NALCN: variants seen among roughly 807,000 people sequenced by gnomAD.
NALCN encodes sodium leak channel NALCN.
In NALCN, 111 loss-of-function variants were observed where a neutral mutation model predicts 225.3. That is an observed-to-expected ratio of 0.49 (90% CI 0.42 to 0.58). The LOEUF is 0.58. NALCN is among the 20% of genes least tolerant of loss of function. The pLI is 0.00. For missense variants in NALCN, 1,378 were observed against 2,202.4 expected, an observed-to-expected ratio of 0.63 and a Z score of 7.49; for synonymous variants, 764 against 769.0, an observed-to-expected ratio of 0.99 and a Z score of 0.11.
rs751191623 is a variant in NALCN at position 101,376,891 on chromosome 13, T to C, written c.515+26A>G. On this transcript the variant is annotated intron_variant, in intron 5 of 43. Coordinates refer to ENST00000251127, the MANE Select transcript of NALCN (RefSeq NM_052867.4). The stretch of plus-strand genomic sequence containing the variant: ...CAAAAAACTTCATAAACTTTTCCTC[T>C]TAACTTATTGTAAAGCAGCGCTCAC... 3 of 1,613,916 alleles carry C rather than the reference T, an allele frequency of 1.9e-6. No homozygotes were observed. The South Asian group carries it at 3.3e-5, about 18-fold the overall frequency.
rs373100185 is a variant in NALCN, at chr13:101,306,940, G to A, written c.800-14574C>T. 1.1e-4 allele frequency among the ~76,000 whole-genome samples: 17 copies of A among 152,210 alleles called. No individual in the cohort carries two copies. The East Asian group carries it at 1.4e-3, about 12-fold the overall frequency. ...TCTGAGAACCCAGGCTCCTTCCTGCGGTTTCTGAGGTAAGGGGTGGGGCTC... is the reference window on the plus strand; with the variant it reads ...TCTGAGAACCCAGGCTCCTTCCTGCAGTTTCTGAGGTAAGGGGTGGGGCTC... On this transcript the variant is annotated intron_variant, in intron 7 of 43. Transcript: ENST00000251127.
intron 6 of NALCN, among the ~76,000 whole-genome samples, chr13:101,348,334 G>A (rs577153714): frequency 2.6e-5 from 4 of 152,088 alleles, no homozygotes; most frequent in Non-Finnish European, 4.4e-5. Context: ...GGGGTGAGAC[G>A]TAAGTATTTA....
intron 7 of NALCN, among the ~76,000 whole-genome samples, chr13:101,321,250 A>G (rs1460489480): frequency 1.3e-5 from 2 of 152,188 alleles, no homozygotes; most frequent in Non-Finnish European, 2.9e-5. Flanking sequence ...TATATGTAAG[A>G]AAAAGACACA....
chr13:101,295,795 G>C (rs2139067381), intron 7 of NALCN, among the ~76,000 whole-genome samples: 1 of 152,328 alleles, frequency 6.6e-6, no homozygotes, highest in South Asian at 2.1e-4. Context: ...CAAAGGCAAA[G>C]GCAATGGACG....
intron 33 of NALCN, among the ~76,000 whole-genome samples, chr13:101,081,861 C>T (rs2033671768): frequency 6.6e-6 from 1 of 152,016 alleles, no homozygotes; most frequent in Non-Finnish European, 1.5e-5. Flanking sequence ...CACTATCTAT[C>T]TGTCTGTCTG....
At chr13:101,082,918 G>A (rs528600280) in intron 32 of NALCN, 35 bp from the exon 33 acceptor site, 14 of 1,611,626 alleles carry the variant, frequency 8.7e-6, no homozygotes, top group African/African-American at 8.0e-5. Context: ...CGTTGCCCAC[G>A]TCCATCGGAC....
intron 13 of NALCN, among the ~76,000 whole-genome samples, chr13:101,195,046 T>A (rs923177989): frequency 1.3e-5 from 2 of 151,938 alleles, no homozygotes; most frequent in Non-Finnish European, 2.9e-5. Context: ...AATAGTAACT[T>A]TGGTGTGTAA....
rs529234129 is a variant in NALCN, at chr13:101,310,699, T to C, written c.800-18333A>G. On this transcript the variant is annotated intron_variant, in intron 7 of 43. Coordinates refer to ENST00000251127, the MANE Select transcript of NALCN (RefSeq NM_052867.4). Reference sequence around the variant, plus strand: ...GAAAGCAAGGATTTTTTCTCTGTTTTTCACTGTTGTGATCAAATGCCTAGC... The same window carrying C: ...GAAAGCAAGGATTTTTTCTCTGTTTCTCACTGTTGTGATCAAATGCCTAGC... Among the ~76,000 whole-genome samples, 138 of 152,314 alleles carry C rather than the reference T, an allele frequency of 9.1e-4. 1 individual carries two copies. The highest frequency in any genetic ancestry group is 2.6e-3 in the African/African-American group (107 of 41,578).
chr13:101,293,106 G>A (rs2043611559), intron 7 of NALCN, among the ~76,000 whole-genome samples: 1 of 152,156 alleles, frequency 6.6e-6, no homozygotes, highest in South Asian at 2.1e-4. Context: ...GGAAACTAAA[G>A]CATATAAAGA....
intron 7 of NALCN, among the ~76,000 whole-genome samples, chr13:101,302,076 G>T (rs1594635674): frequency 6.6e-6 from 1 of 152,108 alleles, no homozygotes; most frequent in Non-Finnish European, 1.5e-5. Context: ...AAGCAAAAGG[G>T]CTAGAAGTTC....
intron 11 of NALCN, among the ~76,000 whole-genome samples, chr13:101,255,561 G>A (rs1182441103): frequency 2.0e-5 from 3 of 152,174 alleles, no homozygotes; most frequent in African/African-American, 7.2e-5. Flanking sequence ...GTAATCTCTT[G>A]TGGTCATTTC....
intron 13 of NALCN, among the ~76,000 whole-genome samples, chr13:101,223,540 C>G (rs942887295): frequency 6.6e-6 from 1 of 152,118 alleles, no homozygotes; most frequent in African/African-American, 2.4e-5. Context: ...GCCCTGAATT[C>G]ATTTCTCAGA....
chr13:101,311,374 C>A (rs1350557772), intron 7 of NALCN, among the ~76,000 whole-genome samples: 2 of 151,482 alleles, frequency 1.3e-5, no homozygotes, highest in Non-Finnish European at 2.9e-5. Flanking sequence ...CCTAATTGCC[C>A]TGGCCAGGAC....
intron 2 of NALCN, among the ~76,000 whole-genome samples, chr13:101,396,670 G>A (rs1031684441): frequency 2.0e-5 from 3 of 152,094 alleles, no homozygotes; most frequent in African/African-American, 4.8e-5. Context: ...CAATTTGGAA[G>A]CACTTCAATA....
intron 16 of NALCN, among the ~76,000 whole-genome samples, chr13:101,144,054 C>G (rs529688811): frequency 6.6e-6 from 1 of 152,244 alleles, no homozygotes; most frequent in African/African-American, 2.4e-5. Context: ...TAGTCTCATA[C>G]TTTTATAACC....
At position 101,252,476 on chromosome 13, in the gene NALCN, A is replaced by G. The variant is rs576002708; in HGVS notation, c.1266+5967T>C. Among the ~76,000 whole-genome samples, 8 of 152,290 alleles carry G rather than the reference A, an allele frequency of 5.3e-5. No individual in the cohort carries two copies. In the South Asian group the frequency reaches 1.2e-3, roughly 24 times the overall value. ...GTTTTGCTGAACAAAAAGCAAGTGA[A>G]GATGCAAGTCTGGGGGTGGAGTGGA... is the stretch of plus-strand genomic sequence containing the variant. On this transcript the variant is annotated intron_variant, in intron 11 of 43. Coordinates refer to ENST00000251127, the MANE Select transcript of NALCN (RefSeq NM_052867.4).
intron 7 of NALCN, among the ~76,000 whole-genome samples, chr13:101,318,578 G>C (rs994782963): frequency 1.3e-5 from 2 of 152,152 alleles, no homozygotes; most frequent in African/African-American, 2.4e-5. Flanking sequence ...TTCTGAAAAT[G>C]ACTTGGCTCT....
intron 13 of NALCN, among the ~76,000 whole-genome samples, chr13:101,222,179 C>G (rs1203276957): frequency 6.6e-6 from 1 of 152,046 alleles, no homozygotes; most frequent in Non-Finnish European, 1.5e-5. Flanking sequence ...AAATCTGGTC[C>G]CTTTTCTTAA....
chr13:101,333,506 T>C (rs909822549), intron 7 of NALCN, among the ~76,000 whole-genome samples: 1 of 152,172 alleles, frequency 6.6e-6, no homozygotes. Flanking sequence ...GATGACCAAC[T>C]TCTTTTTCAT....
Sources: allele counts gnomAD v4.1 joint callset (sites outside exome capture counted in the v4.1 genomes callset), GRCh38; gene constraint gnomAD v4.1.1; transcripts MANE v1.5; gene names NCBI Gene and HGNC (gene_info 2026-07-23, HGNC 2026-07-21).